SLC48A1: variants seen among roughly 807,000 people sequenced by gnomAD.
The protein encoded by SLC48A1 is heme transporter HRG1.
A neutral mutation model predicts 14.8 loss-of-function variants in SLC48A1; 6 were observed. The observed-to-expected ratio is 0.41, with a 90% confidence interval of 0.22 to 0.80. SLC48A1 has a LOEUF of 0.80. SLC48A1 is among the 30% of genes least tolerant of loss of function. SLC48A1 has a pLI of 0.34. For synonymous variants in SLC48A1, 89 were observed against 90.0 expected (o/e 0.99, Z 0.06); for missense variants, 165 against 204.8 (o/e 0.81, Z 1.19).
intron 1 of SLC48A1, among the ~76,000 whole-genome samples, chr12:47,759,923 G>T (rs12818990): frequency 7.9e-6 from 1 of 127,342 alleles, no homozygotes; most frequent in East Asian, 2.0e-4. Flanking sequence ...TGCCAAGCCC[G>T]CATCCTCCAC....
intron 1 of SLC48A1, among the ~76,000 whole-genome samples, chr12:47,774,006 G>C (rs1283902575): frequency 1.3e-5 from 2 of 152,262 alleles, no homozygotes; most frequent in African/African-American, 4.8e-5. Flanking sequence ...GAGACCCACA[G>C]GGAGGACGGC....
upstream of SLC48A1, among the ~76,000 whole-genome samples, chr12:47,766,788 G>A (rs1163442347): frequency 6.6e-6 from 1 of 152,184 alleles, no homozygotes; most frequent in Non-Finnish European, 1.5e-5. Context: ...TCAGTGGGCA[G>A]GCAGAGGAAA....
At chr12:47,762,364 C>T (rs528706026) in intron 2 of SLC48A1, among the ~76,000 whole-genome samples, 2 of 152,248 alleles carry the variant, frequency 1.3e-5, no homozygotes, top group East Asian at 3.9e-4. Flanking sequence ...CCTTCCTGCC[C>T]CAGGAGGCCT....
upstream of SLC48A1, chr12:47,770,737 A>G (rs1942611483): frequency 9.0e-6 from 4 of 445,066 alleles, no homozygotes; most frequent in Non-Finnish European, 1.8e-5. Flanking sequence ...CCCCAGCCCC[A>G]AGGGGAGGGG....
upstream of SLC48A1, chr12:47,772,423 C>A (rs577208985): frequency 1.3e-5 from 2 of 153,446 alleles, no homozygotes; most frequent in Admixed American, 1.3e-4. Context: ...GTAATTCCAG[C>A]GCTTTGGGAG....
chr12:47,762,518 C>T (rs1942406370), intron 2 of SLC48A1, among the ~76,000 whole-genome samples: 1 of 152,218 alleles, frequency 6.6e-6, no homozygotes, highest in South Asian at 2.1e-4. Context: ...GCATCTCTTG[C>T]ATCTCTCTGT....
intron 2 of SLC48A1, among the ~76,000 whole-genome samples, chr12:47,762,135 G>A (rs1413906006): frequency 6.6e-6 from 1 of 152,142 alleles, no homozygotes; most frequent in Non-Finnish European, 1.5e-5. Flanking sequence ...CTCGGACAAT[G>A]AGCTCCTGCC....
In SLC48A1 at chr12:47,775,379, T is replaced by C. The variant is rs1009885686; in HGVS notation, c.136+1939T>C. Among the ~76,000 whole-genome samples, 27 of 152,298 alleles carry C rather than the reference T, an allele frequency of 1.8e-4. 1 individual carries two copies. The highest frequency in any genetic ancestry group is 6.5e-4 in the African/African-American group (27 of 41,560). ...GAGAGGCGCTAGGGCAGCAGCTCGC[T>C]AGGGCAGCAGCTCGCTAGGGCAGCA... On this transcript the variant is annotated intron_variant, in intron 1 of 2. Coordinates refer to ENST00000442218, the MANE Select transcript of SLC48A1 (RefSeq NM_017842.3).
upstream of SLC48A1, chr12:47,771,098 G>GCCGGGCGCGGTGGCTCACGCCTGT: frequency 3.1e-6 from 1 of 318,696 alleles, no homozygotes; most frequent in Non-Finnish European, 6.3e-6. Flanking sequence ...CACACTCCAA[G>GCCGGGCGCGGTGGCTCACGCCTGT]ATTCAAAATT....
At chr12:47,771,397 T>C (rs1269327079), upstream of SLC48A1, among the ~76,000 whole-genome samples, 1 of 152,212 alleles carries the variant, frequency 6.6e-6, no homozygotes, top group East Asian at 1.9e-4. Context: ...TCATGAAGTT[T>C]ATGTTCCAGA....
upstream of SLC48A1, chr12:47,757,728 G>A: frequency 1.3e-6 from 1 of 795,020 alleles, no homozygotes; most frequent in South Asian, 1.8e-5. Flanking sequence ...CAAGCTTCCT[G>A]ACCCAGTGTC....
At chr12:47,774,550 T>C (rs1489999600) in intron 1 of SLC48A1, among the ~76,000 whole-genome samples, 1 of 152,174 alleles carries the variant, frequency 6.6e-6, no homozygotes, top group African/African-American at 2.4e-5. Context: ...ATTACTAAAA[T>C]CCTCGGCCAA....
chr12:47,773,229 C>CCGGCTGGCGGCTT, upstream of SLC48A1: 1 of 1,128,340 alleles, frequency 8.9e-7, no homozygotes, highest in Admixed American at 5.0e-5. Flanking sequence ...TCCCGCGGCT[C>CCGGCTGGCGGCTT]CGGCTGGCGG....
At chr12:47,775,074 C>T (rs1240444860) in intron 1 of SLC48A1, among the ~76,000 whole-genome samples, 2 of 152,180 alleles carry the variant, frequency 1.3e-5, no homozygotes, top group Non-Finnish European at 2.9e-5. Context: ...TGAACCCTAC[C>T]TGGCCGTTTG....
At chr12:47,758,608 G>T (rs554374455) in exon 1 of SLC48A1, 7 of 1,611,010 alleles carry the variant, frequency 4.3e-6, no homozygotes, top group Admixed American at 1.7e-5. Context: ...AGGCTGGGGG[G>T]TCCCCAGCGA....
upstream of SLC48A1, chr12:47,758,146 G>T: frequency 1.3e-6 from 2 of 1,509,502 alleles, no homozygotes; most frequent in Admixed American, 2.0e-5. Context: ...CAGTACAACT[G>T]CCCCAGGCAG....
intron 2 of SLC48A1, among the ~76,000 whole-genome samples, chr12:47,763,554 GT>G (rs1233759953): frequency 2.0e-5 from 3 of 152,270 alleles, no homozygotes; most frequent in African/African-American, 7.2e-5. Context: ...GCTCTGCATG[GT>G]TTAAGGCCCT....
chr12:47,779,379 A>C (rs1011341118), intron 2 of SLC48A1, among the ~76,000 whole-genome samples, 184 bp downstream of exon 2: 2 of 152,164 alleles, frequency 1.3e-5, no homozygotes, highest in Non-Finnish European at 2.9e-5. Context: ...AGTTGGGTGG[A>C]TTCTATGAAA....
In SLC48A1 at chr12:47,760,139, AG is replaced by A. The variant is rs1401009621; in HGVS notation, c.-372-75del. 3.3e-6 allele frequency: 3 copies of A among 903,432 alleles called. No individual in the cohort carries two copies. In the African/African-American group the frequency reaches 5.4e-5, roughly 16 times the overall value. 56.0% of individuals were successfully genotyped at this position (903,432 alleles called of 1,614,324 possible). A position where few individuals can be genotyped will look rare whatever the true frequency, so the allele number is the denominator to read the frequency against. ...GTTTCCCAGAAGCTTACTAAAATGC[AG>A]GCTCCGTCCCCAGCAATTCATATTC... On this transcript the variant is annotated intron_variant, in intron 1 of 4. Transcript: ENST00000547002.
Sources: allele counts gnomAD v4.1 joint callset (sites outside exome capture counted in the v4.1 genomes callset), GRCh38; gene constraint gnomAD v4.1.1; transcripts MANE v1.5; gene names NCBI Gene and HGNC (gene_info 2026-07-23, HGNC 2026-07-21).